Variants in NEGR1 observed in about 807,000 individuals in gnomAD.
The protein encoded by NEGR1 is neuronal growth regulator 1.
In NEGR1, 10 loss-of-function variants were observed where a neutral mutation model predicts 40.9. The ratio of observed to expected loss-of-function variants is 0.24; its 90% CI spans 0.15 to 0.42. NEGR1 has a LOEUF of 0.42. Ranked by LOEUF, NEGR1 falls within the 10% of genes least tolerant of loss-of-function variation. The pLI is 1.00. For missense variants in NEGR1, 352 were observed against 438.9 expected (o/e 0.80, Z 1.77); for synonymous variants, 185 against 166.8 (o/e 1.11, Z -0.84).
intron 1 of NEGR1, among the ~76,000 whole-genome samples, chr1:72,150,676 A>G (rs1239678492): frequency 1.3e-5 from 2 of 152,158 alleles, no homozygotes; most frequent in East Asian, 3.8e-4. Context: ...GGACTTCTGT[A>G]GCCACACTGA....
intron 1 of NEGR1, among the ~76,000 whole-genome samples, chr1:72,046,547 T>C (rs893954367): frequency 1.3e-5 from 2 of 151,560 alleles, no homozygotes; most frequent in Non-Finnish European, 3.0e-5. Flanking sequence ...TATGTTAGAA[T>C]ACATAAAAGC....
intron 4 of NEGR1, among the ~76,000 whole-genome samples, chr1:71,620,470 T>C (rs760879587): frequency 1.3e-5 from 2 of 151,994 alleles, no homozygotes; most frequent in Non-Finnish European, 2.9e-5. Context: ...AGGAGAGTTA[T>C]AGGTAGTTAA....
At chr1:72,115,953 G>A (rs1013680307) in intron 1 of NEGR1, among the ~76,000 whole-genome samples, 5 of 151,700 alleles carry the variant, frequency 3.3e-5, no homozygotes, top group African/African-American at 9.7e-5. Flanking sequence ...AAGAGTATCT[G>A]GGTCACATTT....
intron 1 of NEGR1, among the ~76,000 whole-genome samples, chr1:72,080,034 C>T: frequency 6.6e-6 from 1 of 152,004 alleles, no homozygotes; most frequent in Non-Finnish European, 1.5e-5. Flanking sequence ...AGTCAATAAC[C>T]CTTGAAATAC....
intron 2 of NEGR1, among the ~76,000 whole-genome samples, chr1:71,908,987 C>T (rs1570489564): frequency 6.6e-6 from 1 of 152,048 alleles, no homozygotes; most frequent in Admixed American, 6.6e-5. Context: ...ACATTGTTGA[C>T]AAAAGACAAA....
intron 1 of NEGR1, among the ~76,000 whole-genome samples, chr1:72,172,495 C>G (rs1219606576): frequency 1.3e-5 from 2 of 152,132 alleles, no homozygotes; most frequent in Non-Finnish European, 2.9e-5. Flanking sequence ...TAAATGCAAG[C>G]AGCTCTAATA....
At chr1:71,967,087 T>G (rs1646215864) in intron 1 of NEGR1, among the ~76,000 whole-genome samples, 1 of 152,014 alleles carries the variant, frequency 6.6e-6, no homozygotes, top group Admixed American at 6.6e-5. Flanking sequence ...GAGCTCTGAG[T>G]GGGTTTGAGG....
intron 1 of NEGR1, among the ~76,000 whole-genome samples, chr1:72,123,614 T>C (rs1018875318): frequency 6.6e-6 from 1 of 151,892 alleles, no homozygotes; most frequent in African/African-American, 2.4e-5. Context: ...TCACAGGTTT[T>C]AGACAATAGA....
chr1:71,973,073 A>G (rs1246166512), intron 1 of NEGR1, among the ~76,000 whole-genome samples: 2 of 152,180 alleles, frequency 1.3e-5, no homozygotes, highest in African/African-American at 4.8e-5. Flanking sequence ...AGTAAAATTC[A>G]TAAGGCACTC....
chr1:71,929,501 G>T (rs1367885645), intron 2 of NEGR1, among the ~76,000 whole-genome samples: 1 of 152,060 alleles, frequency 6.6e-6, no homozygotes, highest in Non-Finnish European at 1.5e-5. Context: ...AATAGATCCT[G>T]AATAAAACAG....
chr1:71,602,139 T>G (rs538614395), intron 5 of NEGR1, among the ~76,000 whole-genome samples: 1 of 152,166 alleles, frequency 6.6e-6, no homozygotes, highest in South Asian at 2.1e-4. Flanking sequence ...CTAACTCCTG[T>G]TATACCTGAT....
rs1301707354 is a variant in NEGR1, at chr1:71,828,176, T to C, written c.410-51879A>G. On this transcript the variant is annotated intron_variant, in intron 2 of 6. Coordinates refer to ENST00000357731, the MANE Select transcript of NEGR1 (RefSeq NM_173808.3). The stretch of plus-strand genomic sequence containing the variant: ...AATAATTAGTTGCTCTTGCTCTGTA[T>C]TGTAATTCTTTACCTCTCTTATTCT... 3.3e-5 allele frequency among the ~76,000 whole-genome samples: 5 copies of C among 151,960 alleles called. No individual in the cohort carries two copies. In the East Asian group the frequency reaches 9.7e-4, roughly 30 times the overall value.
intron 6 of NEGR1, among the ~76,000 whole-genome samples, chr1:71,591,826 C>T (rs563655356): frequency 2.0e-5 from 3 of 152,122 alleles, no homozygotes; most frequent in South Asian, 4.1e-4. Flanking sequence ...AAACTTATTA[C>T]AGTATATTTT....
At chr1:72,256,544 A>T (rs1655276433) in intron 1 of NEGR1, among the ~76,000 whole-genome samples, 1 of 152,130 alleles carries the variant, frequency 6.6e-6, no homozygotes, top group Admixed American at 6.5e-5. Context: ...AATCACCCTA[A>T]CCATGTAAGT....
At chr1:72,183,524 C>A (rs1652471169) in intron 1 of NEGR1, among the ~76,000 whole-genome samples, 1 of 151,982 alleles carries the variant, frequency 6.6e-6, no homozygotes. Context: ...TTCTTGTTTC[C>A]CCTATAAATA....
At chr1:72,174,791 C>A (rs568393913) in intron 1 of NEGR1, among the ~76,000 whole-genome samples, 1 of 151,876 alleles carries the variant, frequency 6.6e-6, no homozygotes, top group African/African-American at 2.4e-5. Flanking sequence ...CGGCTTTATG[C>A]CTCTATAACA....
At chr1:71,944,377 A>G (rs1645998973) in intron 1 of NEGR1, among the ~76,000 whole-genome samples, 1 of 152,188 alleles carries the variant, frequency 6.6e-6, no homozygotes, top group Admixed American at 6.5e-5. Flanking sequence ...AAGCCTTTCT[A>G]TTCCATCCTC....
intron 4 of NEGR1, among the ~76,000 whole-genome samples, chr1:71,672,993 T>C (rs1314573971): frequency 6.6e-6 from 1 of 152,086 alleles, no homozygotes; most frequent in Non-Finnish European, 1.5e-5. Context: ...CCCAGCACTT[T>C]GGGAGGCTGA....
intron 4 of NEGR1, among the ~76,000 whole-genome samples, chr1:71,662,392 C>T (rs1436379282): frequency 6.6e-6 from 1 of 152,100 alleles, no homozygotes; most frequent in East Asian, 1.9e-4. Context: ...GAGAACGGAA[C>T]TCAAAAGCAG....
Sources: gnomAD v4.1 joint callset for allele counts (sites outside exome capture counted in the v4.1 genomes callset) on GRCh38, gnomAD v4.1.1 for gene constraint, MANE v1.5 for transcripts, NCBI Gene and HGNC (gene_info 2026-07-23, HGNC 2026-07-21) for gene names.